AGBL4: variants seen among roughly 807,000 people sequenced by gnomAD.
The protein encoded by AGBL4 is AGBL carboxypeptidase 4.
In AGBL4, 58 loss-of-function variants were observed where a neutral mutation model predicts 66.4. That is an observed-to-expected ratio of 0.87 (90% CI 0.71 to 1.09). The LOEUF is 1.09. AGBL4 is among the 50% of genes least tolerant of loss of function. The pLI, the probability that AGBL4 is intolerant of heterozygous loss-of-function variation, is 0.00. For synonymous variants in AGBL4, 234 were observed against 222.9 expected (o/e 1.05, Z -0.44); for missense variants, 579 against 631.0 (o/e 0.92, Z 0.88).
chr1:49,972,315 C>T (rs1308487503), intron 1 of AGBL4, among the ~76,000 whole-genome samples: 5 of 152,078 alleles, frequency 3.3e-5, no homozygotes, highest in Non-Finnish European at 7.4e-5. Context: ...ACCCTCACAC[C>T]CCTCCCACCC....
At chr1:49,362,220 T>C (rs1289344165) in intron 3 of AGBL4, among the ~76,000 whole-genome samples, 1 of 152,002 alleles carries the variant, frequency 6.6e-6, no homozygotes, top group Non-Finnish European at 1.5e-5. Flanking sequence ...CAGATGTGGG[T>C]TTCATCTGGA....
chr1:49,742,587 T>C (rs1488710652), intron 2 of AGBL4, among the ~76,000 whole-genome samples: 1 of 151,998 alleles, frequency 6.6e-6, no homozygotes, highest in African/African-American at 2.4e-5. Context: ...AGAGCCCGCA[T>C]CGCCAAGTCA....
At chr1:49,851,185 T>C (rs530798098) in intron 2 of AGBL4, among the ~76,000 whole-genome samples, 1 of 152,272 alleles carries the variant, frequency 6.6e-6, no homozygotes, top group Admixed American at 6.5e-5. Context: ...TTTGTTAATA[T>C]TACCATCAAT....
intron 3 of AGBL4, chr1:49,527,454 A>T (rs1650758696): frequency 6.6e-6 from 1 of 152,626 alleles, no homozygotes; most frequent in Non-Finnish European, 1.5e-5. Flanking sequence ...AATCAAAAAC[A>T]TTAAATAAGC....
rs1652921181 is a variant in AGBL4 at position 48,909,726 on chromosome 1, G to A, written c.595-42496C>T. On this transcript the variant is annotated intron_variant, in intron 5 of 13. Transcript: ENST00000371839. ...CAAAGCATCTGCAATGCAGTAGAAAGAGAAATACGTACGAAACATACAGAA... is the reference window on the plus strand; with the variant it reads ...CAAAGCATCTGCAATGCAGTAGAAAAAGAAATACGTACGAAACATACAGAA... Among the ~76,000 whole-genome samples the A allele has an allele frequency of 2.0e-5, 3 of 152,188 alleles. No homozygotes were observed. In the South Asian group the frequency reaches 6.2e-4, roughly 32 times the overall value.
chr1:48,662,437 T>C (rs1426462339), intron 7 of AGBL4, among the ~76,000 whole-genome samples: 1 of 152,222 alleles, frequency 6.6e-6, no homozygotes, highest in Non-Finnish European at 1.5e-5. Flanking sequence ...TTATAGAACC[T>C]ACACAGGCGT....
intron 5 of AGBL4, among the ~76,000 whole-genome samples, chr1:48,968,423 T>A (rs1265863351): frequency 6.6e-6 from 1 of 152,132 alleles, no homozygotes; most frequent in East Asian, 1.9e-4. Flanking sequence ...GGGCATAGAC[T>A]GCAGAGGGCA....
At chr1:49,563,260 A>C (rs910290462) in intron 3 of AGBL4, among the ~76,000 whole-genome samples, 1 of 151,962 alleles carries the variant, frequency 6.6e-6, no homozygotes, top group African/African-American at 2.4e-5. Flanking sequence ...GCAAAGAGGG[A>C]CAATTTGACT....
intron 3 of AGBL4, among the ~76,000 whole-genome samples, chr1:49,576,219 T>C (rs1644433535): frequency 6.6e-6 from 1 of 152,214 alleles, no homozygotes; most frequent in Admixed American, 6.5e-5. Context: ...TTGGGTTTGT[T>C]ACTCTGCCCC....
chr1:48,885,671 C>G (rs934790670), intron 5 of AGBL4, among the ~76,000 whole-genome samples: 1 of 152,152 alleles, frequency 6.6e-6, no homozygotes, highest in Non-Finnish European at 1.5e-5. Context: ...CATTTTTAAT[C>G]TCTTATTTAA....
intron 1 of AGBL4, among the ~76,000 whole-genome samples, chr1:49,939,370 A>G (rs1654489200): frequency 6.6e-6 from 1 of 152,180 alleles, no homozygotes; most frequent in South Asian, 2.1e-4. Flanking sequence ...TTCATATGGA[A>G]CCAAAAACGA....
chr1:49,463,401 G>A (rs1330130762), intron 3 of AGBL4, among the ~76,000 whole-genome samples: 5 of 151,508 alleles, frequency 3.3e-5, no homozygotes, highest in East Asian at 3.9e-4. Context: ...ATTTATGACC[G>A]ACCACATTTT....
At chr1:48,792,065 T>C (rs1441152447) in intron 6 of AGBL4, among the ~76,000 whole-genome samples, 1 of 152,218 alleles carries the variant, frequency 6.6e-6, no homozygotes, top group Non-Finnish European at 1.5e-5. Context: ...TCTTTGCAGA[T>C]ATAATCAAGT....
intron 3 of AGBL4, among the ~76,000 whole-genome samples, chr1:49,461,097 A>G (rs1317458222): frequency 6.6e-6 from 1 of 151,730 alleles, no homozygotes; most frequent in South Asian, 2.1e-4. Flanking sequence ...TTTTTGCAAC[A>G]AATATCCCAG....
chr1:49,972,863 A>C (rs544870913), intron 1 of AGBL4, among the ~76,000 whole-genome samples: 1 of 152,300 alleles, frequency 6.6e-6, no homozygotes, highest in African/African-American at 2.4e-5. Context: ...CCCACAGATA[A>C]AGGGGGACTA....
intron 1 of AGBL4, among the ~76,000 whole-genome samples, chr1:49,955,139 T>C (rs1367417155): frequency 2.0e-5 from 3 of 151,968 alleles, no homozygotes; most frequent in Admixed American, 2.0e-4. Flanking sequence ...TTTTAATGGA[T>C]CAACTCCTGA....
At chr1:49,918,719 C>A (rs180875846) in intron 1 of AGBL4, among the ~76,000 whole-genome samples, 193 of 152,284 alleles carry the variant, frequency 1.3e-3, no homozygotes, top group African/African-American at 4.6e-3. Context: ...AGAGGGAATA[C>A]TCCCTAACTC....
At chr1:49,768,258 T>C (rs773427006) in intron 2 of AGBL4, among the ~76,000 whole-genome samples, 26 of 151,966 alleles carry the variant, frequency 1.7e-4, no homozygotes, top group Non-Finnish European at 3.1e-4. Context: ...ATGATGAACA[T>C]AGACACAAAA....
chr1:48,937,651 A>T (rs1655593639), intron 5 of AGBL4, among the ~76,000 whole-genome samples: 1 of 152,048 alleles, frequency 6.6e-6, no homozygotes, highest in Non-Finnish European at 1.5e-5. Flanking sequence ...ATCACTTTTG[A>T]TGACTTTAAT....
Sources: allele counts gnomAD v4.1 joint callset (sites outside exome capture counted in the v4.1 genomes callset), GRCh38; gene constraint gnomAD v4.1.1; transcripts MANE v1.5; gene names NCBI Gene and HGNC (gene_info 2026-07-23, HGNC 2026-07-21).